Variants in CCDC14 observed in about 807,000 individuals in gnomAD.
CCDC14 encodes coiled-coil domain-containing protein 14.
In CCDC14, 71 loss-of-function variants were observed where a neutral mutation model predicts 81.4. That is an observed-to-expected ratio of 0.87 (90% CI 0.72 to 1.06). The LOEUF is 1.06. Among genes scored for constraint, CCDC14 ranks in the 50% least tolerant of loss-of-function variants. CCDC14 has a pLI of 0.00. For synonymous variants in CCDC14, 332 were observed against 364.8 expected, an observed-to-expected ratio of 0.91 and a Z score of 1.03; for missense variants, 1,046 against 1,047.3, an observed-to-expected ratio of 1.00 and a Z score of 0.02.
At chr3:123,954,795 G>A (rs2037228254) in intron 5 of CCDC14, 1 of 151,930 alleles carries the variant, frequency 6.6e-6, no homozygotes, top group Non-Finnish European at 1.5e-5. Flanking sequence ...TCAATTATCA[G>A]TTTTCTAATT....
At chr3:123,924,628 T>G (rs1392111601) in intron 12 of CCDC14, among the ~76,000 whole-genome samples, 1 of 151,960 alleles carries the variant, frequency 6.6e-6, no homozygotes, top group East Asian at 1.9e-4. Context: ...AAAGGACATT[T>G]CTCCATTTAA....
the CCDC14 span, among the ~76,000 whole-genome samples, chr3:123,891,339 T>G: frequency 6.6e-6 from 1 of 152,180 alleles, no homozygotes; most frequent in Non-Finnish European, 1.5e-5. Context: ...CCTCAGAAAA[T>G]GGGATTTTCT....
chr3:123,951,023 G>A (rs926450684), intron 5 of CCDC14, among the ~76,000 whole-genome samples: 1 of 152,050 alleles, frequency 6.6e-6, no homozygotes, highest in Non-Finnish European at 1.5e-5. Context: ...CTTTTGACTT[G>A]GGGTATGCTT....
chr3:123,938,253 T>A (rs1204907406), intron 9 of CCDC14, among the ~76,000 whole-genome samples: 1 of 151,934 alleles, frequency 6.6e-6, no homozygotes, highest in African/African-American at 2.4e-5. Context: ...CTTACATTTA[T>A]GGATCTGGTT....
chr3:123,932,364 A>T (rs1559781889), intron 10 of CCDC14, among the ~76,000 whole-genome samples: 1 of 152,204 alleles, frequency 6.6e-6, no homozygotes, highest in Non-Finnish European at 1.5e-5. Context: ...GTGGAGACAC[A>T]GTGATAATTT....
chr3:123,958,536 A>C (rs2700399), intron 1 of CCDC14: 123,991 of 151,888 alleles, frequency 0.82, 51,147 homozygotes, highest in African/African-American at 0.93. Flanking sequence ...GATTCTGTGA[A>C]CCTTGACATT....
At chr3:123,938,393 TTTTAAA>T (rs1320939754) in intron 9 of CCDC14, among the ~76,000 whole-genome samples, 2 of 151,970 alleles carry the variant, frequency 1.3e-5, no homozygotes, top group African/African-American at 4.8e-5. Flanking sequence ...CTAGTACTGA[TTTTAAA>T]TTTAATTTCA....
intron 12 of CCDC14, 35 bp from the exon 13 acceptor site, chr3:123,915,753 T>A: frequency 6.9e-7 from 1 of 1,452,564 alleles, no homozygotes; most frequent in Non-Finnish European, 9.3e-7. Flanking sequence ...AATTATTATT[T>A]TTTACCTGTT....
In CCDC14 at chr3:123,913,604, A is replaced by G. The variant is rs1485841160; in HGVS notation, c.*1175T>C. The stretch of plus-strand genomic sequence containing the variant: ...AATAAATTTTTAGACTTAAATCTCT[A>G]TCTGGAAAATCTGAACATATCAAAG... On this transcript the variant is annotated 3_prime_UTR_variant, in exon 13 of 13. Coordinates refer to ENST00000409697, the MANE Select transcript of CCDC14 (RefSeq NM_001366335.1). The G allele has an allele frequency of 1.0e-6, 1 of 983,996 alleles. No homozygotes were observed. Among genetic ancestry groups the G allele is most frequent in the Non-Finnish European group, 1.2e-6 (1 of 829,322 alleles). 61.0% of individuals were successfully genotyped at this position (983,996 alleles called of 1,614,324 possible).
chr3:123,891,314 C>T, the CCDC14 span, among the ~76,000 whole-genome samples: 2 of 152,218 alleles, frequency 1.3e-5, no homozygotes, highest in African/African-American at 4.8e-5. Flanking sequence ...ATTTCTGCAG[C>T]AGGCTTGAAT....
chr3:123,948,852 A>T (rs564141818), intron 6 of CCDC14, 44 bp downstream of exon 6: 1 of 1,588,920 alleles, frequency 6.3e-7, no homozygotes, highest in South Asian at 1.1e-5. Context: ...AAGCAATTTA[A>T]TTAGAACTTA....
intron 1 of CCDC14, chr3:123,958,392 T>G (rs1167925902): frequency 6.6e-6 from 1 of 152,126 alleles, no homozygotes; most frequent in African/African-American, 2.4e-5. Context: ...ATAGAAAATC[T>G]GGTAAAGAAA....
intron 5 of CCDC14, among the ~76,000 whole-genome samples, chr3:123,904,060 G>C (rs1011321319): frequency 6.6e-6 from 1 of 152,058 alleles, no homozygotes; most frequent in Middle Eastern, 3.2e-3. Context: ...GCTATTTTCT[G>C]TTATGTATAA....
At chr3:123,910,385 G>C (rs1286933092), downstream of CCDC14, among the ~76,000 whole-genome samples, 5 of 152,006 alleles carry the variant, frequency 3.3e-5, no homozygotes, top group Non-Finnish European at 7.4e-5. Flanking sequence ...TACATTTTAA[G>C]GGACTCACTG....
At position 123,915,216 on chromosome 3, in the gene CCDC14, G is replaced by A. The variant is rs1559761816; in HGVS notation, c.2281C>T (p.Gln761Ter). 1.2e-6 allele frequency: 2 copies of A among 1,613,670 alleles called. No homozygotes were observed. Among genetic ancestry groups the A allele is most frequent in the Admixed American group, 3.3e-5 (2 of 60,008 alleles). The change falls in exon 13 of 13, where the codon CAG (glutamine) becomes TAG (stop). Residue 761 changes from glutamine (Q) to a stop codon, truncating the protein, a stop_gained. Transcript: ENST00000409697. LOFTEE classifies it low-confidence loss of function (END_TRUNC). ...GCAAGTCCGCTGTTGCTGACTAGCT[G>A]TGTTGTAGCTGCTCTTATTTGTGGC... ...PQPQIRAATT[Q>*]LVSNSGLAVS...
At position 123,934,270 on chromosome 3, in the gene CCDC14, C is replaced by CAAAAAAAAAAAAAAAA. The variant is rs61094944; in HGVS notation, c.1344-531_1344-516dup. 8.8e-4 allele frequency among the ~76,000 whole-genome samples: 46 copies of CAAAAAAAAAAAAAAAA among 52,288 alleles called. 4 individuals carry two copies. The highest frequency in any genetic ancestry group is 3.7e-3 in the African/African-American group (44 of 11,844). The allele number at this position is 52,288 out of a possible 152,430, so 34.3% of individuals were successfully genotyped here. A position where few individuals can be genotyped will look rare whatever the true frequency, so the allele number is the denominator to read the frequency against. ...CTGGCGAAAGAGTGAGACTCTGCCTCAAAAAAAAAAAAAAAAAAAAAAAAA... is the reference window on the plus strand; with the variant it reads ...CTGGCGAAAGAGTGAGACTCTGCCTCAAAAAAAAAAAAAAAAAAAAAAAAAAAAAAAAAAAAAAAAA... On this transcript the variant is annotated intron_variant, in intron 9 of 12. Transcript: ENST00000409697.
intron 1 of CCDC14, among the ~76,000 whole-genome samples, chr3:123,960,206 T>G (rs1377714372): frequency 6.6e-6 from 1 of 152,212 alleles, no homozygotes; most frequent in Non-Finnish European, 1.5e-5. Context: ...ATATAAGCAT[T>G]TCTTAGTAGT....
chr3:123,906,166 A>G (rs913418625), intron 5 of CCDC14, among the ~76,000 whole-genome samples: 6 of 151,968 alleles, frequency 3.9e-5, no homozygotes, highest in African/African-American at 1.4e-4. Flanking sequence ...CATCTCTACT[A>G]AAAACACAAA....
At chr3:123,960,112 T>G (rs1023319843) in intron 1 of CCDC14, among the ~76,000 whole-genome samples, 1 of 152,336 alleles carries the variant, frequency 6.6e-6, no homozygotes, top group South Asian at 2.1e-4. Context: ...CTAATCACAA[T>G]ACAGGAGAAT....
Sources: gnomAD v4.1 joint callset for allele counts (sites outside exome capture counted in the v4.1 genomes callset) on GRCh38, gnomAD v4.1.1 for gene constraint, MANE v1.5 for transcripts, NCBI Gene and HGNC (gene_info 2026-07-23, HGNC 2026-07-21) for gene names.